Variants in HSPA4 observed in about 807,000 individuals in gnomAD.
HSPA4 encodes heat shock protein family A (Hsp70) member 4.
Under a neutral mutation model 106.2 loss-of-function variants are expected in HSPA4, and 25 were observed. The observed-to-expected ratio is 0.24, with a 90% CI of 0.17 to 0.33. HSPA4 has a LOEUF of 0.33. HSPA4 is among the 10% of genes least tolerant of loss of function. The probability of loss-of-function intolerance (pLI) is 1.00; values close to 1 mark genes in which losing one functional copy is unlikely to be tolerated. For synonymous variants in HSPA4, 332 were observed against 333.6 expected (o/e 1.00, Z 0.05); for missense variants, 841 against 996.0 (o/e 0.84, Z 2.10).
At chr5:133,083,430 G>A (rs904701279) in intron 7 of HSPA4, among the ~76,000 whole-genome samples, 2 of 152,158 alleles carry the variant, frequency 1.3e-5, no homozygotes, top group African/African-American at 4.8e-5. Context: ...GAATTTTACA[G>A]TAAATGTCCT....
At chr5:133,090,167 G>T (rs1412265337) in intron 11 of HSPA4, among the ~76,000 whole-genome samples, 1 of 152,082 alleles carries the variant, frequency 6.6e-6, no homozygotes, top group East Asian at 1.9e-4. Flanking sequence ...AGGTGCGGTG[G>T]CTCACGCCTG....
chr5:133,058,076 G>A (rs1457555929), intron 1 of HSPA4, among the ~76,000 whole-genome samples: 1 of 152,238 alleles, frequency 6.6e-6, no homozygotes, highest in African/African-American at 2.4e-5. Context: ...GATTCAGATA[G>A]TTTGAGTGAA....
chr5:133,104,432 A>G lies in HSPA4; in HGVS notation c.2519A>G (p.Asp840Gly). ...SDKKLPEMDI[D>G] ...AAGAAGCTTCCTGAAATGGACATTG[A>G]TTGATTCCAACACTTGTTTCTATTA... Residue 840 changes from aspartate to glycine, a missense_variant, in exon 19 of 19, where the codon GAT (aspartate) becomes GGT (glycine). Physicochemically the swap from Asp to Gly is moderately conservative, Grantham distance 94. Coordinates refer to ENST00000304858, the MANE Select transcript of HSPA4 (RefSeq NM_002154.4). 6.2e-7 allele frequency: 1 copy of G among 1,613,170 alleles called. No individual in the cohort carries two copies. The highest frequency in any genetic ancestry group is 2.2e-5 in the East Asian group (1 of 44,886).
chr5:133,058,768 G>A (rs563906933), intron 1 of HSPA4, among the ~76,000 whole-genome samples: 18 of 151,524 alleles, frequency 1.2e-4, no homozygotes, highest in Middle Eastern at 3.2e-3. Flanking sequence ...CGAGGTGGGG[G>A]GATCACTTGA....
intron 7 of HSPA4, among the ~76,000 whole-genome samples, chr5:133,082,768 A>G (rs1259128307): frequency 6.6e-6 from 1 of 152,132 alleles, no homozygotes; most frequent in Non-Finnish European, 1.5e-5. Flanking sequence ...GACGGGAATT[A>G]TATACTTTAA....
rs554296149 is a variant in HSPA4, at chr5:133,060,184, T to G, written c.108-4796T>G. 4.0e-4 allele frequency among the ~76,000 whole-genome samples: 61 copies of G among 152,168 alleles called. 1 individual carries two copies. Among genetic ancestry groups the G allele is most frequent in the Admixed American group, 3.3e-4 (5 of 15,288 alleles). ...TTGTGGAAGTATATATAATTTTTAT[T>G]TTTTTCTTCATACTTGTCTGTTTTC... is the stretch of plus-strand genomic sequence containing the variant. On this transcript the variant is annotated intron_variant, in intron 1 of 18. Transcript: ENST00000304858.
chr5:133,060,971 G>A (rs1765234464), intron 1 of HSPA4, among the ~76,000 whole-genome samples: 1 of 151,480 alleles, frequency 6.6e-6, no homozygotes, highest in East Asian at 1.9e-4. Context: ...AGCCACATGT[G>A]GCTAGTGGCT....
chr5:133,104,046 TA>T lies in HSPA4; in HGVS notation c.2319+22del. On this transcript the variant is annotated intron_variant, in intron 18 of 18. Transcript: ENST00000304858. ...ATTAAGGTAATTTAAGACTTTTTTT[TA>T]ATAGTCTTTTCTTGACAGCCTTATT... 6.3e-7 allele frequency: 1 copy of T among 1,589,260 alleles called. No homozygotes were observed. Among genetic ancestry groups the T allele is most frequent in the Non-Finnish European group, 8.6e-7 (1 of 1,161,136 alleles).
intron 7 of HSPA4, among the ~76,000 whole-genome samples, chr5:133,085,183 T>A (rs1765562674): frequency 6.6e-6 from 1 of 151,890 alleles, no homozygotes; most frequent in Admixed American, 6.6e-5. Flanking sequence ...TCAGCAGCCA[T>A]CATCACAACT....
chr5:133,103,385 T>C (rs1426142996), intron 17 of HSPA4, among the ~76,000 whole-genome samples: 2 of 150,980 alleles, frequency 1.3e-5, no homozygotes, highest in Non-Finnish European at 3.0e-5. Flanking sequence ...TTTTTTTTTT[T>C]TGAGATGTAG....
chr5:133,080,601 T>G (rs990818403), intron 7 of HSPA4, among the ~76,000 whole-genome samples: 1 of 151,932 alleles, frequency 6.6e-6, no homozygotes, highest in Non-Finnish European at 1.5e-5. Flanking sequence ...AGTATTCTGT[T>G]GTAGTGCTGT....
chr5:133,053,848 C>T (rs535869449), intron 1 of HSPA4, among the ~76,000 whole-genome samples: 12 of 151,376 alleles, frequency 7.9e-5, no homozygotes, highest in South Asian at 4.2e-4. Context: ...TTAGTAGAGA[C>T]GGGGTGTTGT....
In HSPA4 at chr5:133,076,913, A is replaced by G. The variant is rs1195362350; in HGVS notation, c.908+15A>G. On this transcript the variant is annotated intron_variant, in intron 7 of 18. Coordinates refer to ENST00000304858, the MANE Select transcript of HSPA4 (RefSeq NM_002154.4). ...ACTATGAATAGGTAAGTATATTACT[A>G]TTTCGATGTTAAAGTGAAGAGTGAG... is the stretch of plus-strand genomic sequence containing the variant. 1 of 1,581,726 alleles carries G rather than the reference A, an allele frequency of 6.3e-7. No individual in the cohort carries two copies. Among genetic ancestry groups the G allele is most frequent in the Non-Finnish European group, 8.7e-7 (1 of 1,154,894 alleles).
At chr5:133,093,133 G>GT (rs1261558701) in intron 13 of HSPA4, among the ~76,000 whole-genome samples, 1 of 151,852 alleles carries the variant, frequency 6.6e-6, no homozygotes, top group Admixed American at 6.6e-5. Flanking sequence ...ACCCGGCTGA[G>GT]TTGTGTTTTA....
intron 1 of HSPA4, among the ~76,000 whole-genome samples, chr5:133,062,243 A>G (rs1455632523): frequency 6.6e-6 from 1 of 152,212 alleles, no homozygotes; most frequent in Non-Finnish European, 1.5e-5. Flanking sequence ...CTGACATAGA[A>G]TAGGAAATTA....
At chr5:133,075,639 GC>G (rs1409870719) in intron 6 of HSPA4, among the ~76,000 whole-genome samples, 1 of 151,826 alleles carries the variant, frequency 6.6e-6, no homozygotes, top group East Asian at 1.9e-4. Context: ...AACAGCCTGG[GC>G]AACATGGCAA....
intron 3 of HSPA4, among the ~76,000 whole-genome samples, chr5:133,068,602 T>TG (rs758769013): frequency 5.3e-5 from 8 of 152,160 alleles, no homozygotes; most frequent in Non-Finnish European, 8.8e-5. Flanking sequence ...TATTTAGAAG[T>TG]GAAAAATTCT....
At chr5:133,056,916 A>T (rs1581462662) in intron 1 of HSPA4, among the ~76,000 whole-genome samples, 1 of 152,182 alleles carries the variant, frequency 6.6e-6, no homozygotes, top group Non-Finnish European at 1.5e-5. Flanking sequence ...GCTCAGAATA[A>T]TGCCTGGGAT....
intron 1 of HSPA4, among the ~76,000 whole-genome samples, chr5:133,061,009 C>T (rs1765235090): frequency 6.6e-6 from 1 of 151,762 alleles, no homozygotes. Context: ...GTATCTGTAA[C>T]TGAAGACCTC....
Sources: gnomAD v4.1 joint callset for allele counts (sites outside exome capture counted in the v4.1 genomes callset) on GRCh38, gnomAD v4.1.1 for gene constraint, MANE v1.5 for transcripts, NCBI Gene and HGNC (gene_info 2026-07-23, HGNC 2026-07-21) for gene names.